The following PTPRN2 variants were observed in gnomAD, a reference collection of about 807,000 sequenced individuals.
The protein encoded by PTPRN2 is receptor-type tyrosine-protein phosphatase N2.
In PTPRN2, 74 loss-of-function variants were observed where a neutral mutation model predicts 118.8. The observed-to-expected ratio is 0.62, with a 90% confidence interval of 0.52 to 0.76. The LOEUF is 0.76. Ranked by LOEUF, PTPRN2 falls within the 30% of genes least tolerant of loss-of-function variation. The probability of loss-of-function intolerance (pLI) is 0.00; values close to 1 mark genes in which losing one functional copy is unlikely to be tolerated. For synonymous variants in PTPRN2, 641 were observed against 608.0 expected (o/e 1.05, Z -0.80); for missense variants, 1,481 against 1,394.4 (o/e 1.06, Z -0.99).
intron 3 of PTPRN2, among the ~76,000 whole-genome samples, chr7:158,220,802 A>C (rs892474520): frequency 1.3e-5 from 2 of 151,952 alleles, no homozygotes; most frequent in Non-Finnish European, 2.9e-5. Context: ...TTACAGACTC[A>C]ATGCTATTCC....
chr7:157,559,976 AGGGCCTGGAT>A (rs760062621), intron 21 of PTPRN2, among the ~76,000 whole-genome samples: 6 of 152,032 alleles, frequency 3.9e-5, no homozygotes, highest in East Asian at 1.9e-4. Context: ...GAGGGAGGGG[AGGGCCTGGAT>A]GGGCCTGGAT....
intron 1 of PTPRN2, among the ~76,000 whole-genome samples, chr7:158,584,249 C>G (rs368013131): frequency 6.6e-6 from 1 of 152,152 alleles, no homozygotes; most frequent in African/African-American, 2.4e-5. Flanking sequence ...CCCCCCTAAA[C>G]ATAGGGGCCA....
intron 12 of PTPRN2, among the ~76,000 whole-genome samples, chr7:157,708,949 A>T (rs1215755457): frequency 6.6e-6 from 1 of 152,066 alleles, no homozygotes; most frequent in Non-Finnish European, 1.5e-5. Flanking sequence ...CCTGCACCCC[A>T]CCGACTTTGA....
intron 11 of PTPRN2, among the ~76,000 whole-genome samples, chr7:158,005,014 C>T (rs1049572776): frequency 2.0e-5 from 3 of 151,778 alleles, no homozygotes; most frequent in African/African-American, 4.8e-5. Flanking sequence ...TCAGCATTTC[C>T]GGCTTGAGAA....
intron 2 of PTPRN2, among the ~76,000 whole-genome samples, chr7:158,341,222 A>G (rs1178477196): frequency 6.6e-6 from 1 of 151,400 alleles, no homozygotes; most frequent in African/African-American, 2.4e-5. Context: ...CGTCATTCAC[A>G]CCCACACTCT....
Position 157,563,203 on chromosome 7 carries a change from T to TCAGGACCACGTGCTCCCGC in PTPRN2, c.2902+5698_2902+5699insGCGGGAGCACGTGGTCCTG, listed in dbSNP as rs1799295541. On this transcript the variant is annotated intron_variant, in intron 21 of 22. Coordinates refer to ENST00000389418, the MANE Select transcript of PTPRN2 (RefSeq NM_002847.5). Reference sequence around the variant, plus strand: ...AGCAGATCAGGACCACGTGCTCCCATGTCACCACACACAGCAGAGCAGGAC... The same window carrying TCAGGACCACGTGCTCCCGC: ...AGCAGATCAGGACCACGTGCTCCCATCAGGACCACGTGCTCCCGCGTCACCACACACAGCAGAGCAGGAC... Among the ~76,000 whole-genome samples the TCAGGACCACGTGCTCCCGC allele has an allele frequency of 7.4e-5, 2 of 27,046 alleles. 1 individual carries two copies. The highest frequency in any genetic ancestry group is 1.5e-4 in the Non-Finnish European group (2 of 13,762). 17.7% of individuals were successfully genotyped at this position (27,046 alleles called of 152,430 possible).
chr7:157,892,127 C>T lies in PTPRN2; in HGVS notation c.1788+6546G>A, dbSNP rs140155295. Among the ~76,000 whole-genome samples the T allele has an allele frequency of 4.2e-3, 639 of 150,414 alleles. 20 individuals carry two copies. The highest frequency in any genetic ancestry group is 0.015 in the African/African-American group (598 of 40,204). ...CTATCACGACGCTTAGAAGCTAGAACGCTGGGCAGGGGACCTCTGTGTCTA... is the reference window on the plus strand; with the variant it reads ...CTATCACGACGCTTAGAAGCTAGAATGCTGGGCAGGGGACCTCTGTGTCTA... On this transcript the variant is annotated intron_variant, in intron 12 of 22. Transcript: ENST00000389418.
intron 3 of PTPRN2, among the ~76,000 whole-genome samples, chr7:158,308,687 ATAAT>A (rs59335495): frequency 0.91 from 138,073 of 151,764 alleles, 63,119 homozygotes; most frequent in Non-Finnish European, 0.96. Context: ...ATTTGAATTA[ATAAT>A]TAAATTAATA....
chr7:157,820,089 C>A (rs1036689001), intron 12 of PTPRN2, among the ~76,000 whole-genome samples: 2 of 151,342 alleles, frequency 1.3e-5, no homozygotes, highest in African/African-American at 2.4e-5. Context: ...TATATGCACA[C>A]ACACAACACA....
chr7:157,810,220 A>G (rs1370848037), intron 12 of PTPRN2, among the ~76,000 whole-genome samples: 1 of 152,244 alleles, frequency 6.6e-6, no homozygotes, highest in Non-Finnish European at 1.5e-5. Context: ...AAGGCTGCGG[A>G]CAGTGAGCAC....
chr7:158,475,986 T>A (rs1820228171), intron 2 of PTPRN2, among the ~76,000 whole-genome samples: 1 of 152,188 alleles, frequency 6.6e-6, no homozygotes, highest in Non-Finnish European at 1.5e-5. Flanking sequence ...TCATACTTAC[T>A]ACGATTTGTG....
At chr7:158,582,270 CT>C (rs1355918373) in intron 1 of PTPRN2, among the ~76,000 whole-genome samples, 3 of 152,176 alleles carry the variant, frequency 2.0e-5, no homozygotes, top group African/African-American at 4.8e-5. Flanking sequence ...ATGAATTTAG[CT>C]GTTTGCTTTC....
intron 2 of PTPRN2, among the ~76,000 whole-genome samples, chr7:158,482,323 T>G (rs1420967137): frequency 6.6e-6 from 1 of 152,252 alleles, no homozygotes; most frequent in Non-Finnish European, 1.5e-5. Context: ...CATTGCGTTC[T>G]GCAAAGAAAT....
intron 11 of PTPRN2, among the ~76,000 whole-genome samples, chr7:158,074,112 G>A (rs966069838): frequency 2.0e-5 from 3 of 152,206 alleles, no homozygotes; most frequent in African/African-American, 7.2e-5. Context: ...GTGCAGGGAA[G>A]AGTAATACTT....
intron 5 of PTPRN2, among the ~76,000 whole-genome samples, chr7:158,168,988 G>A (rs1823279155): frequency 6.6e-6 from 1 of 152,166 alleles, no homozygotes; most frequent in Admixed American, 6.5e-5. Flanking sequence ...TGGGTGTGTG[G>A]ACACCCCAGT....
chr7:158,336,941 C>A (rs1283997709), intron 2 of PTPRN2, among the ~76,000 whole-genome samples: 2 of 102,842 alleles, frequency 1.9e-5, no homozygotes, highest in African/African-American at 6.6e-5. Context: ...CACACCCACA[C>A]TCGTCACTCA....
intron 11 of PTPRN2, among the ~76,000 whole-genome samples, chr7:157,914,532 G>A (rs1798286404): frequency 6.6e-6 from 1 of 151,998 alleles, no homozygotes; most frequent in Non-Finnish European, 1.5e-5. Context: ...GATGATCCTC[G>A]ATGGTGATAG....
chr7:158,282,667 G>A (rs555550002), intron 3 of PTPRN2, among the ~76,000 whole-genome samples: 21 of 148,162 alleles, frequency 1.4e-4, no homozygotes, highest in East Asian at 2.0e-4. Context: ...CAAACGGCTC[G>A]TCCCTCCTGG....
At chr7:157,666,068 G>A (rs1585204121) in intron 13 of PTPRN2, among the ~76,000 whole-genome samples, 1 of 151,938 alleles carries the variant, frequency 6.6e-6, no homozygotes, top group East Asian at 1.9e-4. Context: ...ATCCAACATG[G>A]CACATGTATA....
Sources: gnomAD v4.1 joint callset for allele counts (sites outside exome capture counted in the v4.1 genomes callset) on GRCh38, gnomAD v4.1.1 for gene constraint, MANE v1.5 for transcripts, NCBI Gene and HGNC (gene_info 2026-07-23, HGNC 2026-07-21) for gene names.